The following NCAM2 variants were observed in gnomAD, a reference collection of about 807,000 sequenced individuals.
The protein encoded by NCAM2 is neural cell adhesion molecule 2, also known as N-CAM-2.
A neutral mutation model predicts 98.1 loss-of-function variants in NCAM2; 30 were observed. That is an observed-to-expected ratio of 0.31 (90% CI 0.23 to 0.41). The LOEUF is 0.41. NCAM2 is among the 10% of genes least tolerant of loss of function. NCAM2 has a pLI of 1.00. For synonymous variants in NCAM2, 368 were observed against 342.4 expected (o/e 1.07, Z -0.83); for missense variants, 867 against 1,005.8 (o/e 0.86, Z 1.87).
intron 5 of NCAM2, among the ~76,000 whole-genome samples, chr21:21,317,314 T>A: frequency 6.6e-6 from 1 of 152,196 alleles, no homozygotes; most frequent in East Asian, 1.9e-4. Context: ...AAACTCATTA[T>A]GTGTTAATGC....
At chr21:21,446,876 C>T (rs1470837281) in intron 12 of NCAM2, among the ~76,000 whole-genome samples, 3 of 152,002 alleles carry the variant, frequency 2.0e-5, no homozygotes, top group Non-Finnish European at 2.9e-5. Flanking sequence ...AGGAGAACTA[C>T]AAACCACTCT....
intron 1 of NCAM2, among the ~76,000 whole-genome samples, chr21:21,084,229 C>G (rs1441767714): frequency 1.3e-5 from 2 of 152,116 alleles, no homozygotes; most frequent in Non-Finnish European, 2.9e-5. Flanking sequence ...TAATAACCTC[C>G]AAAGGCCCCT....
rs575292012 is a variant in NCAM2, at chr21:21,149,097, C to T, written c.56-131481C>T. On this transcript the variant is annotated intron_variant, in intron 1 of 17. Transcript: ENST00000400546. ...CTGTATTTCTATCATTATTCCAGCACTAAATTGTCTGGATATCTGTAAGTT... is the reference window on the plus strand; with the variant it reads ...CTGTATTTCTATCATTATTCCAGCATTAAATTGTCTGGATATCTGTAAGTT... 2.0e-4 allele frequency among the ~76,000 whole-genome samples: 31 copies of T among 152,180 alleles called. No homozygotes were observed. In the South Asian group the frequency reaches 6.2e-3, roughly 31 times the overall value.
intron 6 of NCAM2, among the ~76,000 whole-genome samples, chr21:21,334,244 A>G (rs1353995586): frequency 6.6e-6 from 1 of 152,020 alleles, no homozygotes; most frequent in Admixed American, 6.6e-5. Context: ...ATTTGTTATT[A>G]TTTTATGAAT....
intron 1 of NCAM2, among the ~76,000 whole-genome samples, chr21:21,263,675 A>G (rs758335718): frequency 5.3e-5 from 8 of 152,150 alleles, no homozygotes; most frequent in Non-Finnish European, 8.8e-5. Flanking sequence ...GATCAATGAA[A>G]CAGAATAGAC....
intron 16 of NCAM2, among the ~76,000 whole-genome samples, chr21:21,525,663 G>A (rs1341073089): frequency 1.3e-5 from 2 of 152,068 alleles, no homozygotes; most frequent in African/African-American, 4.8e-5. Context: ...CTCATTCTAT[G>A]AAGCCAGCAT....
intron 1 of NCAM2, among the ~76,000 whole-genome samples, chr21:21,098,301 T>C (rs1021053190): frequency 2.0e-5 from 3 of 151,718 alleles, no homozygotes; most frequent in Non-Finnish European, 3.0e-5. Flanking sequence ...TTTAAAGATA[T>C]ATAATGTCAA....
rs994197393 is a variant in NCAM2, at chr21:21,418,509, A to G, written c.1420A>G (p.Asn474Asp). The change falls in exon 11 of 18, where the codon AAT (asparagine) becomes GAT (aspartate). Residue 474 changes from asparagine to aspartate, a missense_variant. Physicochemically the swap from Asn to Asp is conservative, Grantham distance 23. This residue lies in a region of NCAM2 where 234 missense variants were observed against 333.8 expected (regional missense o/e 0.70). Coordinates refer to ENST00000400546, the MANE Select transcript of NCAM2 (RefSeq NM_004540.5). Reference sequence around the variant, plus strand: ...ATCTGACAATGACTTTGGACGCTATAATTGCACAGCCACTAATCATATAGG... The same window carrying G: ...ATCTGACAATGACTTTGGACGCTATGATTGCACAGCCACTAATCATATAGG... ...PTSDNDFGRY[N>D]CTATNHIGTR... 6.2e-7 allele frequency: 1 copy of G among 1,612,486 alleles called. No homozygotes were observed. Among genetic ancestry groups the G allele is most frequent in the Non-Finnish European group, 8.5e-7 (1 of 1,178,772 alleles).
intron 1 of NCAM2, among the ~76,000 whole-genome samples, chr21:21,210,011 T>C (rs886498108): frequency 1.3e-5 from 2 of 152,184 alleles, no homozygotes; most frequent in African/African-American, 2.4e-5. Flanking sequence ...CGACTTTCCA[T>C]TGTGGAAGTC....
rs188656498 is a variant in NCAM2, at chr21:21,115,211, G to A, written c.55+116593G>A. Among the ~76,000 whole-genome samples, 164 of 152,214 alleles carry A rather than the reference G, an allele frequency of 1.1e-3. 1 individual carries two copies. Among genetic ancestry groups the A allele is most frequent in the Middle Eastern group, 6.8e-3 (2 of 292 alleles). ...CTTCAGGTCAATGTTATATTTGCTT[G>A]GGGATATGTTTACTGCTAGTAAGTA... On this transcript the variant is annotated intron_variant, in intron 1 of 17. Transcript: ENST00000400546.
chr21:21,160,963 T>G (rs2067765017), intron 1 of NCAM2, among the ~76,000 whole-genome samples: 1 of 152,046 alleles, frequency 6.6e-6, no homozygotes, highest in Non-Finnish European at 1.5e-5. Flanking sequence ...ATTATTGAGT[T>G]CAAATATTTC....
intron 1 of NCAM2, among the ~76,000 whole-genome samples, chr21:21,249,173 C>T (rs925970027): frequency 4.6e-5 from 7 of 152,138 alleles, no homozygotes; most frequent in African/African-American, 1.7e-4. Context: ...TATCCATGAT[C>T]CTTTCCTCAG....
chr21:20,999,522 G>C (rs1302499566), intron 1 of NCAM2, among the ~76,000 whole-genome samples: 1 of 152,172 alleles, frequency 6.6e-6, no homozygotes, highest in South Asian at 2.1e-4. Context: ...GTCCAGACAA[G>C]TTTGGACGTT....
At position 21,346,887 on chromosome 21, in the gene NCAM2, G is replaced by A. The variant is rs551507035; in HGVS notation, c.1044+8353G>A. Among the ~76,000 whole-genome samples the A allele has an allele frequency of 4.0e-4, 61 of 151,812 alleles. No homozygotes were observed. The South Asian group carries it at 0.013, about 32-fold the overall frequency. ...GATATAGCAAAAGCAGTAGTAAGAG[G>A]GAAGTTTATAGCTATAGGAGCCTCC... On this transcript the variant is annotated intron_variant, in intron 8 of 17. Coordinates refer to ENST00000400546, the MANE Select transcript of NCAM2 (RefSeq NM_004540.5).
intron 16 of NCAM2, among the ~76,000 whole-genome samples, chr21:21,509,256 T>A (rs1988205663): frequency 6.6e-6 from 1 of 152,082 alleles, no homozygotes; most frequent in South Asian, 2.1e-4. Flanking sequence ...TTGACAACAG[T>A]TTATTCAAAA....
chr21:21,369,441 G>A (rs1280215002), intron 8 of NCAM2, among the ~76,000 whole-genome samples: 1 of 151,612 alleles, frequency 6.6e-6, no homozygotes. Flanking sequence ...TAGCATTTAT[G>A]TACAAGTTTT....
chr21:21,299,911 C>T (rs1175958521), intron 5 of NCAM2, among the ~76,000 whole-genome samples: 3 of 151,872 alleles, frequency 2.0e-5, no homozygotes, highest in Non-Finnish European at 4.4e-5. Context: ...ATAGTATTTG[C>T]ATATAGCCTA....
chr21:20,998,554 C>A lies in NCAM2; in HGVS notation c.-10C>A, dbSNP rs201169186. 186 of 1,613,628 alleles carry A rather than the reference C, an allele frequency of 1.2e-4. No homozygotes were observed. The African/African-American group carries it at 1.5e-3, about 13-fold the overall frequency. On this transcript the variant is annotated 5_prime_UTR_variant, in exon 1 of 18. Transcript: ENST00000400546. ...ACTTTGAAACTGTCCACCGGTGTCA[C>A]GTCCTGAACATGAGCCTCCTCCTCT... is the stretch of plus-strand genomic sequence containing the variant.
chr21:21,264,287 A>G (rs377488737), intron 1 of NCAM2, among the ~76,000 whole-genome samples: 3 of 152,162 alleles, frequency 2.0e-5, no homozygotes, highest in Non-Finnish European at 4.4e-5. Flanking sequence ...AATTAAAACC[A>G]TAATGCAATA....
Sources: gnomAD v4.1 joint callset for allele counts (sites outside exome capture counted in the v4.1 genomes callset) on GRCh38, gnomAD v4.1.1 for gene constraint, gnomAD v4.1.1 regional missense constraint, MANE v1.5 for transcripts, NCBI Gene and HGNC (gene_info 2026-07-23, HGNC 2026-07-21) for gene names.